Variants in UNC5D observed in about 807,000 individuals in gnomAD.
UNC5D encodes the protein netrin receptor UNC5D.
A neutral mutation model predicts 105.4 loss-of-function variants in UNC5D; 39 were observed. That is an observed-to-expected ratio of 0.37 (90% CI 0.29 to 0.48). UNC5D has a LOEUF of 0.48. Among genes scored for constraint, UNC5D ranks in the 20% least tolerant of loss-of-function variants. UNC5D has a pLI of 0.98. For synonymous variants in UNC5D, 452 were observed against 450.4 expected (o/e 1.00, Z -0.04); for missense variants, 991 against 1,202.4 (o/e 0.82, Z 2.60).
At chr8:35,463,167 A>T (rs1201283054) in intron 1 of UNC5D, among the ~76,000 whole-genome samples, 1 of 152,178 alleles carries the variant, frequency 6.6e-6, no homozygotes, top group African/African-American at 2.4e-5. Context: ...AACTAAAATC[A>T]TGTCCCATCC....
At chr8:35,336,437 C>A (rs2128897759) in intron 1 of UNC5D, among the ~76,000 whole-genome samples, 1 of 152,216 alleles carries the variant, frequency 6.6e-6, no homozygotes, top group East Asian at 1.9e-4. Flanking sequence ...TTAATTATGC[C>A]CATGGAGAAT....
At chr8:35,587,805 G>A (rs905210459) in intron 3 of UNC5D, among the ~76,000 whole-genome samples, 7 of 151,558 alleles carry the variant, frequency 4.6e-5, no homozygotes, top group East Asian at 3.9e-4. Flanking sequence ...TTTTTTGGAC[G>A]TGATTTTTGG....
chr8:35,278,254 A>G (rs1585478996), intron 1 of UNC5D, among the ~76,000 whole-genome samples: 1 of 152,110 alleles, frequency 6.6e-6, no homozygotes, highest in Non-Finnish European at 1.5e-5. Flanking sequence ...CTCTGGCCAC[A>G]CTCATCAGCA....
intron 16 of UNC5D, among the ~76,000 whole-genome samples, chr8:35,781,777 T>C (rs148563051): frequency 2.4e-4 from 37 of 152,332 alleles, no homozygotes; most frequent in African/African-American, 8.4e-4. Flanking sequence ...AACTGGAGAA[T>C]TGAAAACAGG....
chr8:35,647,067 A>C (rs1213816639), intron 4 of UNC5D, among the ~76,000 whole-genome samples: 1 of 152,194 alleles, frequency 6.6e-6, no homozygotes, highest in Admixed American at 6.5e-5. Context: ...ATTCATTAGC[A>C]GATCTTAATG....
At position 35,726,236 on chromosome 8, in the gene UNC5D, C is replaced by T. The variant is rs767716286; in HGVS notation, c.1388C>T (p.Pro463Leu). 2 of 1,614,156 alleles carry T rather than the reference C, an allele frequency of 1.2e-6. No homozygotes were observed. Among genetic ancestry groups the T allele is most frequent in the South Asian group, 2.2e-5 (2 of 91,088 alleles). Reference sequence around the variant, plus strand: ...AGCGGACCCATCTGTCTGCAGGACCCTCTGGACAAGGAGCTCATGACAGAG... The same window carrying T: ...AGCGGACCCATCTGTCTGCAGGACCTTCTGGACAAGGAGCTCATGACAGAG... ...TYSGPICLQD[P>L]LDKELMTESS... Residue 463 changes from proline (P) to leucine (L), a missense_variant, in exon 10 of 17, where the codon CCT becomes CTT. Physicochemically the swap from Pro to Leu is moderately conservative, Grantham distance 98. Around this residue, in one of 3 missense-constraint regions of UNC5D, gnomAD observed 944 missense variants for 1,131.6 expected, o/e 0.83. Transcript: ENST00000404895.
intron 1 of UNC5D, among the ~76,000 whole-genome samples, chr8:35,461,511 A>G (rs1808892374): frequency 6.6e-6 from 1 of 152,214 alleles, no homozygotes; most frequent in African/African-American, 2.4e-5. Flanking sequence ...AGGATCATTA[A>G]TGGATCCCAT....
At chr8:35,545,544 T>G (rs973660956) in intron 1 of UNC5D, among the ~76,000 whole-genome samples, 1 of 151,958 alleles carries the variant, frequency 6.6e-6, no homozygotes, top group Non-Finnish European at 1.5e-5. Context: ...AGGGCTTTGC[T>G]GCACCAGGAA....
chr8:35,726,061 C>T, intron 9 of UNC5D, 91 bp from the exon 10 acceptor site: 2 of 1,494,272 alleles, frequency 1.3e-6, no homozygotes, highest in Non-Finnish European at 1.8e-6. Flanking sequence ...GGCACCTATG[C>T]AGGCTGTTGC....
intron 11 of UNC5D, among the ~76,000 whole-genome samples, chr8:35,745,998 T>C (rs1300144742): frequency 6.6e-6 from 1 of 151,800 alleles, no homozygotes; most frequent in Admixed American, 6.6e-5. Context: ...TTTGTCCACA[T>C]CCAATTAAAG....
chr8:35,779,317 A>G (rs962898979), intron 16 of UNC5D, among the ~76,000 whole-genome samples: 1 of 152,218 alleles, frequency 6.6e-6, no homozygotes, highest in Non-Finnish European at 1.5e-5. Flanking sequence ...CTAAACTTCC[A>G]TAGTGCTTTG....
chr8:35,366,503 G>A (rs1042203171), intron 1 of UNC5D, among the ~76,000 whole-genome samples: 7 of 152,006 alleles, frequency 4.6e-5, no homozygotes. Flanking sequence ...TTTTGTATTT[G>A]TTTTGTCAGC....
intron 5 of UNC5D, 78 bp from the exon 6 acceptor site, chr8:35,684,504 C>A: frequency 1.3e-6 from 2 of 1,531,426 alleles, no homozygotes; most frequent in Non-Finnish European, 1.8e-6. Context: ...CAGCACCTGG[C>A]ACAGTGGCTT....
At chr8:35,500,681 C>T (rs559227675) in intron 1 of UNC5D, among the ~76,000 whole-genome samples, 71 of 152,146 alleles carry the variant, frequency 4.7e-4, no homozygotes, top group African/African-American at 1.7e-3. Flanking sequence ...TACTAGGCTG[C>T]GGGTATCTTG....
intron 13 of UNC5D, among the ~76,000 whole-genome samples, chr8:35,755,583 G>A (rs765905223): frequency 2.6e-5 from 4 of 152,118 alleles, no homozygotes; most frequent in Non-Finnish European, 5.9e-5. Flanking sequence ...ATTGCTGCCT[G>A]TCTGATTAAA....
At chr8:35,490,071 T>A (rs1215979701) in intron 1 of UNC5D, among the ~76,000 whole-genome samples, 3 of 152,242 alleles carry the variant, frequency 2.0e-5, no homozygotes, top group African/African-American at 7.2e-5. Flanking sequence ...ATGAAGATAT[T>A]ACGTTTGTTG....
At chr8:35,515,717 A>G (rs1389269608) in intron 1 of UNC5D, among the ~76,000 whole-genome samples, 1 of 152,222 alleles carries the variant, frequency 6.6e-6, no homozygotes, top group African/African-American at 2.4e-5. Context: ...TTAAAAGTCC[A>G]TATGTAAGGG....
At chr8:35,585,077 G>A (rs1006580387) in intron 3 of UNC5D, among the ~76,000 whole-genome samples, 1 of 152,160 alleles carries the variant, frequency 6.6e-6, no homozygotes, top group Non-Finnish European at 1.5e-5. Context: ...TGTCCCTACT[G>A]CAGGCACAAC....
At chr8:35,396,423 A>G (rs946919723) in intron 1 of UNC5D, among the ~76,000 whole-genome samples, 3 of 152,150 alleles carry the variant, frequency 2.0e-5, no homozygotes, top group African/African-American at 7.2e-5. Context: ...GCAGCAAGCT[A>G]AGACAACACA....
Sources: allele counts gnomAD v4.1 joint callset (sites outside exome capture counted in the v4.1 genomes callset), GRCh38; gene constraint gnomAD v4.1.1; regional missense constraint gnomAD v4.1.1; transcripts MANE v1.5; gene names NCBI Gene and HGNC (gene_info 2026-07-23, HGNC 2026-07-21).